ST6GALNAC5: variants seen among roughly 807,000 people sequenced by gnomAD.
The protein encoded by ST6GALNAC5 is alpha-N-acetylgalactosaminide alpha-2,6-sialyltransferase 5.
In ST6GALNAC5, 27 loss-of-function variants were observed where a neutral mutation model predicts 33.6. The ratio of observed to expected loss-of-function variants is 0.80; its 90% CI spans 0.59 to 1.11. The LOEUF (loss-of-function observed/expected upper bound fraction) is 1.11, where lower values mean the gene tolerates loss of function less well. Ranked by LOEUF, ST6GALNAC5 falls within the 50% of genes least tolerant of loss-of-function variation. ST6GALNAC5 has a pLI of 0.00. For missense variants in ST6GALNAC5, 428 were observed against 454.0 expected (o/e 0.94, Z 0.52); for synonymous variants, 194 against 171.2 (o/e 1.13, Z -1.04).
At chr1:76,867,811 A>G (rs1326393122) in intron 1 of ST6GALNAC5, 121 bp downstream of exon 1, 6 of 1,416,344 alleles carry the variant, frequency 4.2e-6, no homozygotes, top group Non-Finnish European at 5.9e-6. Context: ...CCTGTTACAA[A>G]GGGACAACTT....
chr1:76,989,620 C>A (rs1649644727), intron 2 of ST6GALNAC5, among the ~76,000 whole-genome samples: 2 of 152,022 alleles, frequency 1.3e-5, no homozygotes, highest in South Asian at 4.1e-4. Context: ...TTTATAAGGG[C>A]TTTCTTGAGG....
chr1:76,894,463 C>T (rs910066299), intron 2 of ST6GALNAC5, among the ~76,000 whole-genome samples: 15 of 151,430 alleles, frequency 9.9e-5, no homozygotes, highest in African/African-American at 2.7e-4. Context: ...GAGGTTGGAG[C>T]GCAGGAAGAG....
chr1:77,015,824 A>G (rs1279188502), intron 2 of ST6GALNAC5, among the ~76,000 whole-genome samples: 1 of 152,080 alleles, frequency 6.6e-6, no homozygotes, highest in African/African-American at 2.4e-5. Context: ...GAGGCAAGAC[A>G]GGGCTTCACA....
At chr1:76,966,252 T>C (rs1387637156) in intron 2 of ST6GALNAC5, among the ~76,000 whole-genome samples, 3 of 152,216 alleles carry the variant, frequency 2.0e-5, no homozygotes, top group Non-Finnish European at 4.4e-5. Flanking sequence ...GGTTCTTCCA[T>C]TTGTTTGTGT....
At chr1:76,930,576 C>T (rs923116752) in intron 2 of ST6GALNAC5, among the ~76,000 whole-genome samples, 1 of 152,160 alleles carries the variant, frequency 6.6e-6, no homozygotes, top group Non-Finnish European at 1.5e-5. Context: ...AATTTCATTA[C>T]TCTCTAGTAG....
rs1277472500 is a variant in ST6GALNAC5 at position 77,004,782 on chromosome 1, G to A, written c.262-39422G>A. Among the ~76,000 whole-genome samples, 4 of 128,756 alleles carry A rather than the reference G, an allele frequency of 3.1e-5. 1 individual carries two copies. The highest frequency in any genetic ancestry group is 3.7e-3 in the Middle Eastern group (1 of 268). 84.5% of individuals were successfully genotyped at this position (128,756 alleles called of 152,430 possible). A position where few individuals can be genotyped will look rare whatever the true frequency, so the allele number is the denominator to read the frequency against. On this transcript the variant is annotated intron_variant, in intron 2 of 4. Transcript: ENST00000477717. The stretch of plus-strand genomic sequence containing the variant: ...GTGTCAGTGTGCCCCTGCTGGAGGG[G>A]TGCCTCCCAGTTAGGCTGCTCGGGG...
chr1:76,947,068 T>C (rs192174149), intron 2 of ST6GALNAC5, among the ~76,000 whole-genome samples: 192 of 152,260 alleles, frequency 1.3e-3, no homozygotes, highest in Non-Finnish European at 2.2e-3. Context: ...AATTTTTTTA[T>C]TAGCAGCAAA....
chr1:76,990,107 A>T (rs1031954972), intron 2 of ST6GALNAC5, among the ~76,000 whole-genome samples: 1 of 152,160 alleles, frequency 6.6e-6, no homozygotes, highest in East Asian at 1.9e-4. Flanking sequence ...TGAGTTTTCC[A>T]TTCTTTATTT....
At chr1:76,905,994 A>G (rs17099686) in intron 2 of ST6GALNAC5, among the ~76,000 whole-genome samples, 2,761 of 152,276 alleles carry the variant, frequency 0.018, 86 homozygotes, top group African/African-American at 0.062. Flanking sequence ...CATGCAGAAC[A>G]TTAGCATGAC....
chr1:77,066,266 A>C lies in ST6GALNAC5; in HGVS notation c.*3060A>C, dbSNP rs996696885. Among the ~76,000 whole-genome samples the C allele has an allele frequency of 6.6e-6, 1 of 152,120 alleles. No homozygotes were observed. The highest frequency in any genetic ancestry group is 1.5e-5 in the Non-Finnish European group (1 of 68,018). ...AGTAAGATCTTTTCTTTAAAAAAAA[A>C]AATAGATGAAAGCAAAACACAACGT... is the stretch of plus-strand genomic sequence containing the variant. On this transcript the variant is annotated 3_prime_UTR_variant, in exon 5 of 5. Coordinates refer to ENST00000477717, the MANE Select transcript of ST6GALNAC5 (RefSeq NM_030965.3).
intron 2 of ST6GALNAC5, among the ~76,000 whole-genome samples, chr1:76,948,495 A>G (rs3107604): frequency 0.6 from 90,125 of 151,138 alleles, 27,273 homozygotes; most frequent in African/African-American, 0.68. Flanking sequence ...GCTCTCATAC[A>G]AAGTCCCAAA....
intron 4 of ST6GALNAC5, among the ~76,000 whole-genome samples, chr1:77,060,694 G>A (rs1557778565): frequency 6.6e-6 from 1 of 151,966 alleles, no homozygotes; most frequent in African/African-American, 2.4e-5. Flanking sequence ...AGTCAGATAA[G>A]TTTTTTTTCC....
intron 2 of ST6GALNAC5, among the ~76,000 whole-genome samples, chr1:77,018,265 C>A (rs1325557506): frequency 1.3e-5 from 2 of 152,152 alleles, no homozygotes; most frequent in East Asian, 3.8e-4. Flanking sequence ...GCTTCTAAGT[C>A]TTTATAGATC....
intron 2 of ST6GALNAC5, among the ~76,000 whole-genome samples, chr1:76,977,071 TTA>T (rs1458433371): frequency 2.0e-5 from 3 of 152,196 alleles, no homozygotes; most frequent in African/African-American, 4.8e-5. Flanking sequence ...ATTTATTCTT[TTA>T]TATGTTTCTA....
At position 76,874,658 on chromosome 1, in the gene ST6GALNAC5, G is replaced by C. The variant is rs187967336; in HGVS notation, c.261+5916G>C. 1.1e-4 allele frequency among the ~76,000 whole-genome samples: 17 copies of C among 152,156 alleles called. No homozygotes were observed. In the East Asian group the frequency reaches 3.3e-3, roughly 29 times the overall value. ...ACATTTTTCTGCCTGTTTTATATTC[G>C]CTGGAAGCTGATTAGATTGTGCTCA... On this transcript the variant is annotated intron_variant, in intron 2 of 4. Transcript: ENST00000477717.
intron 2 of ST6GALNAC5, among the ~76,000 whole-genome samples, chr1:76,893,623 A>G (rs1484832550): frequency 6.6e-6 from 1 of 152,186 alleles, no homozygotes; most frequent in Non-Finnish European, 1.5e-5. Flanking sequence ...TTAGCCATCA[A>G]TAGAAGACAC....
At chr1:76,922,372 T>C (rs1647042410) in intron 2 of ST6GALNAC5, among the ~76,000 whole-genome samples, 2 of 152,158 alleles carry the variant, frequency 1.3e-5, no homozygotes, top group Non-Finnish European at 2.9e-5. Flanking sequence ...TCTGAATAAA[T>C]GGGGAGACAT....
chr1:76,989,313 T>C (rs1400363036), intron 2 of ST6GALNAC5, among the ~76,000 whole-genome samples: 1 of 152,040 alleles, frequency 6.6e-6, no homozygotes, highest in East Asian at 1.9e-4. Context: ...CACCTTTCCT[T>C]AGTTGTGCAA....
intron 2 of ST6GALNAC5, among the ~76,000 whole-genome samples, chr1:77,002,503 T>G (rs1378345731): frequency 2.0e-5 from 3 of 151,760 alleles, no homozygotes; most frequent in Non-Finnish European, 4.4e-5. Context: ...AGTTCTGCTC[T>G]GATTTTAGTT....
Sources: gnomAD v4.1 joint callset for allele counts (sites outside exome capture counted in the v4.1 genomes callset) on GRCh38, gnomAD v4.1.1 for gene constraint, MANE v1.5 for transcripts, NCBI Gene and HGNC (gene_info 2026-07-23, HGNC 2026-07-21) for gene names.